The following ZNF385D variants were observed in gnomAD, a reference collection of about 807,000 sequenced individuals.
The protein encoded by ZNF385D is zinc finger protein 385D, also known as zinc finger protein 659.
Under a neutral mutation model 35.8 loss-of-function variants are expected in ZNF385D, and 15 were observed. That is an observed-to-expected ratio of 0.42 (90% CI 0.28 to 0.64). The LOEUF (loss-of-function observed/expected upper bound fraction) is 0.64. Ranked by LOEUF, ZNF385D falls within the 30% of genes least tolerant of loss-of-function variation. The pLI is 0.23. For missense variants in ZNF385D, 474 were observed against 494.6 expected (o/e 0.96, Z 0.39); for synonymous variants, 212 against 186.8 (o/e 1.13, Z -1.10).
chr3:21,864,778 C>T (rs1697244575), intron 3 of ZNF385D, among the ~76,000 whole-genome samples: 1 of 151,998 alleles, frequency 6.6e-6, no homozygotes, highest in South Asian at 2.1e-4. Context: ...TTCATTGTCT[C>T]TTCTTACTAA....
intron 3 of ZNF385D, among the ~76,000 whole-genome samples, chr3:22,088,954 T>A (rs952648862): frequency 1.3e-5 from 2 of 152,200 alleles, no homozygotes; most frequent in Non-Finnish European, 2.9e-5. Context: ...TGACTTTTTT[T>A]AAAGAACACT....
At chr3:22,061,634 C>T (rs958566351) in intron 3 of ZNF385D, among the ~76,000 whole-genome samples, 4 of 152,192 alleles carry the variant, frequency 2.6e-5, no homozygotes, top group Non-Finnish European at 5.9e-5. Context: ...TCTCTTTCAA[C>T]AGTTCATCCA....
chr3:22,267,720 A>T (rs1700967555), intron 2 of ZNF385D, among the ~76,000 whole-genome samples: 1 of 151,948 alleles, frequency 6.6e-6, no homozygotes, highest in African/African-American at 2.4e-5. Context: ...CCCATGTTAG[A>T]ATGATGCGTA....
chr3:22,123,962 CTATATA>C (rs71044974), intron 3 of ZNF385D, among the ~76,000 whole-genome samples: 1,303 of 61,694 alleles, frequency 0.021, 13 homozygotes, highest in South Asian at 0.03. Flanking sequence ...CTCTCTCTCT[CTATATA>C]TATATATATA....
At chr3:21,555,549 T>A (rs1469628919) in intron 3 of ZNF385D, among the ~76,000 whole-genome samples, 64 of 98,930 alleles carry the variant, frequency 6.5e-4, no homozygotes, top group Admixed American at 5.9e-3. Flanking sequence ...GAATTCATCC[T>A]TTTTTATGGC....
chr3:22,026,380 C>T (rs934916059), intron 3 of ZNF385D, among the ~76,000 whole-genome samples: 1 of 152,140 alleles, frequency 6.6e-6, no homozygotes, highest in Admixed American at 6.5e-5. Flanking sequence ...AAGGAAACCT[C>T]TAGCCTTTTA....
intron 3 of ZNF385D, among the ~76,000 whole-genome samples, chr3:21,851,421 T>C (rs1696381037): frequency 6.6e-6 from 1 of 152,064 alleles, no homozygotes; most frequent in East Asian, 1.9e-4. Context: ...TAAGTGTTTT[T>C]ACAATAGAAA....
intron 1 of ZNF385D, among the ~76,000 whole-genome samples, chr3:21,742,959 G>A (rs1231522993): frequency 2.0e-5 from 3 of 152,168 alleles, no homozygotes; most frequent in Admixed American, 1.3e-4. Context: ...AAGCTTAACT[G>A]TTTACCATGT....
chr3:21,818,453 A>C (rs2073251795), intron 3 of ZNF385D, among the ~76,000 whole-genome samples: 3 of 152,170 alleles, frequency 2.0e-5, no homozygotes, highest in Admixed American at 2.0e-4. Flanking sequence ...CTGAACACTA[A>C]CTGGTTATTA....
At chr3:21,916,785 A>G (rs777372382) in intron 3 of ZNF385D, among the ~76,000 whole-genome samples, 2 of 152,222 alleles carry the variant, frequency 1.3e-5, no homozygotes, top group Non-Finnish European at 2.9e-5. Context: ...CAATAAACGA[A>G]AGCACTGTAA....
Position 21,437,045 on chromosome 3 carries a change from C to T in ZNF385D, c.598G>A (p.Ala200Thr), listed in dbSNP as rs753651596. 1 of 1,613,960 alleles carries T rather than the reference C, an allele frequency of 6.2e-7. No homozygotes were observed. The highest frequency in any genetic ancestry group is 1.1e-5 in the South Asian group (1 of 91,082). Reference sequence around the variant, plus strand: ...AGCGAACAGTAAAGAAGCCGTTTTGCCTTTTCTTCCTCGGTCTCAGTAGAA... The same window carrying T: ...AGCGAACAGTAAAGAAGCCGTTTTGTCTTTTCTTCCTCGGTCTCAGTAGAA... Reference protein sequence around the residue: ...CPSTETEEEKAKRLLYCSLCK... With the variant: ...CPSTETEEEKTKRLLYCSLCK... The change falls in exon 5 of 8, where the codon GCA becomes ACA. Residue 200 changes from alanine (A) to threonine (T), a missense_variant. Transcript: ENST00000281523.
At chr3:21,860,164 A>G (rs1696969841) in intron 3 of ZNF385D, among the ~76,000 whole-genome samples, 1 of 152,090 alleles carries the variant, frequency 6.6e-6, no homozygotes, top group Admixed American at 6.6e-5. Flanking sequence ...AAGTATTTCT[A>G]AAAGAGGTTG....
chr3:21,643,958 A>G (rs1355835848), intron 2 of ZNF385D, among the ~76,000 whole-genome samples: 7 of 152,288 alleles, frequency 4.6e-5, no homozygotes, highest in Admixed American at 2.6e-4. Flanking sequence ...CTCTGAGTGC[A>G]TCCCAGCTCT....
chr3:21,843,989 A>G (rs112073885), intron 3 of ZNF385D, among the ~76,000 whole-genome samples: 156 of 152,088 alleles, frequency 1.0e-3, no homozygotes, highest in African/African-American at 3.3e-3. Flanking sequence ...TAAATATAAA[A>G]TAACATAGCA....
chr3:22,272,122 T>C (rs1265331196), intron 2 of ZNF385D, among the ~76,000 whole-genome samples: 1 of 152,026 alleles, frequency 6.6e-6, no homozygotes, highest in Non-Finnish European at 1.5e-5. Flanking sequence ...AGAAGGCAGT[T>C]ACTCTTGAGA....
At chr3:21,899,516 A>G (rs913914637) in intron 3 of ZNF385D, among the ~76,000 whole-genome samples, 3 of 152,194 alleles carry the variant, frequency 2.0e-5, no homozygotes, top group Admixed American at 6.5e-5. Flanking sequence ...TGCATTTACA[A>G]CAAGTTCCCA....
Position 21,463,557 on chromosome 3 carries a change from C to A in ZNF385D, c.440-26354G>T, listed in dbSNP as rs146683411. On this transcript the variant is annotated intron_variant, in intron 4 of 7. Transcript: ENST00000281523. ...CCAAGTGTCAGGGTGGAGTGAGGAGCTGTGAAGCCCCTTCACATCTGGCCT... is the reference window on the plus strand; with the variant it reads ...CCAAGTGTCAGGGTGGAGTGAGGAGATGTGAAGCCCCTTCACATCTGGCCT... 2.6e-3 allele frequency among the ~76,000 whole-genome samples: 391 copies of A among 152,272 alleles called. 3 individuals are homozygous for A. Among genetic ancestry groups the A allele is most frequent in the African/African-American group, 9.0e-3 (372 of 41,542 alleles).
At chr3:22,037,592 T>C (rs1698414326) in intron 3 of ZNF385D, among the ~76,000 whole-genome samples, 2 of 152,196 alleles carry the variant, frequency 1.3e-5, no homozygotes, top group Non-Finnish European at 2.9e-5. Flanking sequence ...GAGTTCATTG[T>C]AGATTCTGGA....
Position 21,610,566 on chromosome 3 carries a change from C to T in ZNF385D, c.166-45882G>A, listed in dbSNP as rs548279924. 5.9e-5 allele frequency among the ~76,000 whole-genome samples: 9 copies of T among 152,010 alleles called. No individual in the cohort carries two copies. The East Asian group carries it at 1.7e-3, about 29-fold the overall frequency. On this transcript the variant is annotated intron_variant, in intron 2 of 7. Transcript: ENST00000281523. ...CAGGTGGATCATGAGGTCAGGAGAT[C>T]GACACCATCCTGGCTGACACGGTGA...
Sources: allele counts gnomAD v4.1 joint callset (sites outside exome capture counted in the v4.1 genomes callset), GRCh38; gene constraint gnomAD v4.1.1; transcripts MANE v1.5; gene names NCBI Gene and HGNC (gene_info 2026-07-23, HGNC 2026-07-21).